PPFIA2: variants seen among roughly 807,000 people sequenced by gnomAD.
The protein encoded by PPFIA2 is PPFI scaffold protein A2, also known as liprin-alpha-2.
PPFIA2 carries 46 observed loss-of-function variants against 175.5 expected under a neutral mutation model. The ratio of observed to expected loss-of-function variants is 0.26; its 90% confidence interval spans 0.21 to 0.34. The LOEUF is 0.34. PPFIA2 is among the 10% of genes least tolerant of loss of function. The probability of loss-of-function intolerance (pLI) is 1.00; values close to 1 mark genes in which losing one functional copy is unlikely to be tolerated. For synonymous variants in PPFIA2, 568 were observed against 511.4 expected, an observed-to-expected ratio of 1.11 and a Z score of -1.49; for missense variants, 1,179 against 1,506.1, an observed-to-expected ratio of 0.78 and a Z score of 3.60.
intron 15 of PPFIA2, among the ~76,000 whole-genome samples, chr12:81,360,197 T>C (rs145562032): frequency 6.6e-6 from 1 of 152,034 alleles, no homozygotes; most frequent in African/African-American, 2.4e-5. Flanking sequence ...GCTAGTTCTC[T>C]AACAGGAGAA....
chr12:81,289,219 A>G (rs1049941987), intron 24 of PPFIA2, among the ~76,000 whole-genome samples: 2 of 151,820 alleles, frequency 1.3e-5, no homozygotes, highest in Non-Finnish European at 3.0e-5. Context: ...TACTGTAATT[A>G]TATTAGATAT....
At chr12:81,275,899 C>T (rs890627418) in intron 28 of PPFIA2, among the ~76,000 whole-genome samples, 5 of 151,868 alleles carry the variant, frequency 3.3e-5, no homozygotes, top group African/African-American at 9.7e-5. Flanking sequence ...ATTCTCCTGC[C>T]TCAGCCTCCC....
intron 4 of PPFIA2, among the ~76,000 whole-genome samples, chr12:81,464,651 C>T (rs2055254846): frequency 6.6e-6 from 1 of 152,072 alleles, no homozygotes; most frequent in Non-Finnish European, 1.5e-5. Context: ...AGGGGCAAAG[C>T]ATAGATTCAC....
At chr12:81,698,160 G>GA (rs1175209430) in intron 3 of PPFIA2, among the ~76,000 whole-genome samples, 1 of 152,060 alleles carries the variant, frequency 6.6e-6, no homozygotes, top group Non-Finnish European at 1.5e-5. Flanking sequence ...TTGTTTCTAA[G>GA]AAAGAAGATT....
chr12:81,603,367 G>A (rs555707635), intron 4 of PPFIA2, among the ~76,000 whole-genome samples: 3 of 151,656 alleles, frequency 2.0e-5, no homozygotes, highest in South Asian at 2.1e-4. Flanking sequence ...AAAGAAGAAC[G>A]ATCAATCATT....
At chr12:81,746,812 G>A (rs1182864703) in intron 3 of PPFIA2, among the ~76,000 whole-genome samples, 1 of 143,338 alleles carries the variant, frequency 7.0e-6, no homozygotes, top group African/African-American at 2.4e-5. Flanking sequence ...ATGAAGACAA[G>A]TATGGGTATG....
At chr12:81,342,207 T>C (rs991031794) in intron 19 of PPFIA2, among the ~76,000 whole-genome samples, 2 of 152,034 alleles carry the variant, frequency 1.3e-5, no homozygotes, top group Admixed American at 1.3e-4. Context: ...TAACTTAAAA[T>C]TTTTTCCAAT....
At position 81,377,274 on chromosome 12, in the gene PPFIA2, G is replaced by A. The variant is rs557003533; in HGVS notation, c.985-1332C>T. Among the ~76,000 whole-genome samples the A allele has an allele frequency of 3.5e-4, 53 of 152,190 alleles. 1 individual carries two copies. The highest frequency in any genetic ancestry group is 7.2e-4 in the African/African-American group (30 of 41,560). ...AAAAAGTAATAGATCAGCCAGAGGC[G>A]ATGGCTCACACCTGTAATCCCAGCA... On this transcript the variant is annotated intron_variant, in intron 9 of 32. Transcript: ENST00000549396.
In PPFIA2 at chr12:81,339,205, T is replaced by A; in HGVS notation, c.2523A>T (p.Lys841Asn). ...GGAGCTGCCCAAGTCGAGCTTTTTC[T>A]TTTTTACCAAACAAACGTCCTATTG... is the stretch of plus-strand genomic sequence containing the variant. ...KSSIGRLFGK[K>N]EKARLGQLRG... is the part of the protein sequence containing the mutation. The change falls in exon 21 of 33, where the codon AAA (lysine) becomes AAT (asparagine). Residue 841 changes from lysine (K) to asparagine (N), a missense_variant. By Grantham distance (94) the Lys-to-Asn change is moderately conservative. Around this residue, in one of 10 missense-constraint regions of PPFIA2, gnomAD observed 223 missense variants for 241.6 expected, o/e 0.92. Transcript: ENST00000549396. 2 of 1,603,550 alleles carry A rather than the reference T, an allele frequency of 1.2e-6. No homozygotes were observed. Among genetic ancestry groups the A allele is most frequent in the Non-Finnish European group, 1.7e-6 (2 of 1,175,234 alleles).
chr12:81,609,818 T>C (rs1447141507), intron 4 of PPFIA2, among the ~76,000 whole-genome samples: 1 of 152,114 alleles, frequency 6.6e-6, no homozygotes, highest in Non-Finnish European at 1.5e-5. Flanking sequence ...TGTCATTATG[T>C]TGCTAGCTGG....
In PPFIA2 at chr12:81,294,818, A is replaced by G; in HGVS notation, c.2925+17T>C. On this transcript the variant is annotated intron_variant, in intron 24 of 32. Transcript: ENST00000549396. ...TTGCCTAGCACTGAGGAAGGGGAGG[A>G]GCAGAAACTGACTCACAGTTCGAGA... 1.2e-6 allele frequency: 2 copies of G among 1,609,356 alleles called. No homozygotes were observed. The highest frequency in any genetic ancestry group is 1.7e-6 in the Non-Finnish European group (2 of 1,177,604).
At chr12:81,504,729 G>C (rs1249744559) in intron 4 of PPFIA2, among the ~76,000 whole-genome samples, 2 of 152,132 alleles carry the variant, frequency 1.3e-5, no homozygotes, top group Non-Finnish European at 2.9e-5. Flanking sequence ...CAATAGCAAA[G>C]AATTGGAACC....
chr12:81,343,012 T>G (rs933243919), intron 19 of PPFIA2, among the ~76,000 whole-genome samples: 1 of 151,788 alleles, frequency 6.6e-6, no homozygotes, highest in African/African-American at 2.4e-5. Context: ...TGAATATCAC[T>G]TAGAGTTTTG....
chr12:81,274,554 A>C (rs1345748429), intron 28 of PPFIA2, among the ~76,000 whole-genome samples: 3 of 151,940 alleles, frequency 2.0e-5, no homozygotes, highest in African/African-American at 7.2e-5. Context: ...TCTTTCCATA[A>C]ATCTGTTTCC....
chr12:81,741,565 A>G (rs1568088780), intron 3 of PPFIA2, among the ~76,000 whole-genome samples: 1 of 152,166 alleles, frequency 6.6e-6, no homozygotes, highest in African/African-American at 2.4e-5. Flanking sequence ...CAAGTGGCTC[A>G]GGATGGCTTT....
intron 4 of PPFIA2, among the ~76,000 whole-genome samples, chr12:81,508,047 T>C (rs1249947630): frequency 6.6e-6 from 1 of 152,194 alleles, no homozygotes; most frequent in African/African-American, 2.4e-5. Flanking sequence ...GCTAAGTTCC[T>C]TAGATCTCAA....
chr12:81,733,949 T>G (rs1597012644), intron 3 of PPFIA2, among the ~76,000 whole-genome samples: 1 of 151,872 alleles, frequency 6.6e-6, no homozygotes, highest in African/African-American at 2.4e-5. Flanking sequence ...TGTATTCTCA[T>G]AAACTAGATA....
chr12:81,384,184 C>G lies in PPFIA2; in HGVS notation c.823G>C (p.Glu275Gln), dbSNP rs760361755. The change falls in exon 9 of 33, where the codon GAA becomes CAA. Residue 275 changes from glutamate to glutamine, a missense_variant. Coordinates refer to ENST00000549396, the MANE Select transcript of PPFIA2 (RefSeq NM_003625.5). ...TCATAGTTTTGCTTTTCAAGCAATT[C>G]TTGTAGTTCAACTATTTGACTAGTT... Reference protein sequence around the residue: ...DETSQIVELQELLEKQNYEMA... With the variant: ...DETSQIVELQQLLEKQNYEMA... The G allele has an allele frequency of 5.6e-6, 9 of 1,609,928 alleles. No homozygotes were observed. The highest frequency in any genetic ancestry group is 7.6e-6 in the Non-Finnish European group (9 of 1,177,562).
intron 7 of PPFIA2, among the ~76,000 whole-genome samples, chr12:81,408,606 TA>T (rs1232121482): frequency 2.6e-5 from 4 of 152,206 alleles, no homozygotes; most frequent in South Asian, 2.1e-4. Flanking sequence ...ATGTCCCTAT[TA>T]AAAAATAATC....
Sources: gnomAD v4.1 joint callset for allele counts (sites outside exome capture counted in the v4.1 genomes callset) on GRCh38, gnomAD v4.1.1 for gene constraint, gnomAD v4.1.1 regional missense constraint, MANE v1.5 for transcripts, NCBI Gene and HGNC (gene_info 2026-07-23, HGNC 2026-07-21) for gene names.